Variants in COP1 observed in about 807,000 individuals in gnomAD.
COP1 encodes COP1 E3 ubiquitin ligase, also known as E3 ubiquitin-protein ligase COP1.
In COP1, 24 loss-of-function variants were observed where a neutral mutation model predicts 101.3. The ratio of observed to expected loss-of-function variants is 0.24; its 90% CI spans 0.17 to 0.33. The LOEUF (loss-of-function observed/expected upper bound fraction) is 0.33. Among genes scored for constraint, COP1 ranks in the 10% least tolerant of loss-of-function variants. COP1 has a pLI of 1.00. For missense variants in COP1, 663 were observed against 906.2 expected (o/e 0.73, Z 3.45); for synonymous variants, 347 against 341.9 (o/e 1.01, Z -0.17).
Position 176,173,986 on chromosome 1 carries a change from C to CAAAAAAAAAAAAAAAA in COP1, c.565+1908_565+1923dup, listed in dbSNP as rs1212803591. ...TGGGCAACAGAGTGAGATGCTGTCT[C>CAAAAAAAAAAAAAAAA]AAAAAAAAAAAAAAAAAAAAAAGAG... On this transcript the variant is annotated intron_variant, in intron 3 of 19. Transcript: ENST00000367669. 5.1e-4 allele frequency among the ~76,000 whole-genome samples: 25 copies of CAAAAAAAAAAAAAAAA among 49,082 alleles called. 1 individual carries two copies. Among genetic ancestry groups the CAAAAAAAAAAAAAAAA allele is most frequent in the South Asian group, 8.6e-4 (1 of 1,168 alleles). The allele number at this position is 49,082 out of a possible 152,430, so 32.2% of individuals were successfully genotyped here. A position where few individuals can be genotyped will look rare whatever the true frequency, so the allele number is the denominator to read the frequency against.
chr1:176,127,249 T>A (rs957882948), intron 8 of COP1, among the ~76,000 whole-genome samples: 2 of 152,096 alleles, frequency 1.3e-5, no homozygotes, highest in African/African-American at 4.8e-5. Flanking sequence ...AACATACAAT[T>A]TATTATTATT....
At chr1:176,126,406 T>C (rs1489920456) in intron 8 of COP1, among the ~76,000 whole-genome samples, 1 of 152,226 alleles carries the variant, frequency 6.6e-6, no homozygotes, top group Admixed American at 6.5e-5. Flanking sequence ...AACCAGTTCA[T>C]TGAAGGTTTT....
chr1:176,197,685 A>T (rs142876048), intron 1 of COP1, among the ~76,000 whole-genome samples: 14 of 152,292 alleles, frequency 9.2e-5, no homozygotes, highest in African/African-American at 3.1e-4. Context: ...AAATCCATTA[A>T]CGTACGTTCT....
intron 15 of COP1, among the ~76,000 whole-genome samples, chr1:175,991,480 A>C (rs61820953): frequency 4.6e-5 from 7 of 152,128 alleles, no homozygotes; most frequent in Admixed American, 1.3e-4. Context: ...GTAAATGAAC[A>C]TGAAGGCCTA....
intron 12 of COP1, among the ~76,000 whole-genome samples, chr1:176,044,134 T>C (rs1345904491): frequency 2.6e-5 from 4 of 152,302 alleles, no homozygotes; most frequent in South Asian, 2.1e-4. Flanking sequence ...GGTGATACTA[T>C]CCAGAGGGCT....
chr1:176,122,915 C>T (rs187508476), intron 8 of COP1, among the ~76,000 whole-genome samples: 213 of 152,224 alleles, frequency 1.4e-3, no homozygotes, highest in African/African-American at 4.9e-3. Context: ...AAGTAAACTA[C>T]TTCGGTTGGT....
At chr1:175,972,502 G>T (rs964696163) in intron 18 of COP1, among the ~76,000 whole-genome samples, 2 of 143,736 alleles carry the variant, frequency 1.4e-5, no homozygotes, top group Admixed American at 7.1e-5. Context: ...GTCTGGCTGT[G>T]TTGCCAGAAT....
At chr1:176,199,089 G>A (rs575110898) in intron 1 of COP1, among the ~76,000 whole-genome samples, 12 of 152,262 alleles carry the variant, frequency 7.9e-5, no homozygotes, top group East Asian at 1.9e-4. Flanking sequence ...AGGCCGAGGC[G>A]TGGGGACCAT....
intron 5 of COP1, among the ~76,000 whole-genome samples, chr1:176,151,310 AGAAAGAAAGAAG>A (rs1329979849): frequency 3.9e-4 from 56 of 142,744 alleles, no homozygotes; most frequent in Admixed American, 2.1e-4. Context: ...AAGAAAGGAG[AGAAAGAAAGAAG>A]GAAAGAAAGA....
At chr1:176,072,159 T>A (rs1677117347) in intron 11 of COP1, among the ~76,000 whole-genome samples, 1 of 152,244 alleles carries the variant, frequency 6.6e-6, no homozygotes, top group Non-Finnish European at 1.5e-5. Context: ...TTTATATTTC[T>A]GTCACATGTC....
At chr1:176,090,857 T>C (rs1425350133) in intron 9 of COP1, among the ~76,000 whole-genome samples, 1 of 152,156 alleles carries the variant, frequency 6.6e-6, no homozygotes, top group Non-Finnish European at 1.5e-5. Context: ...CTGAGGTTTT[T>C]CCAGAACTGA....
intron 9 of COP1, among the ~76,000 whole-genome samples, chr1:176,096,508 G>A (rs1234921238): frequency 6.6e-6 from 1 of 152,200 alleles, no homozygotes; most frequent in South Asian, 2.1e-4. Context: ...CGGCCTCAGG[G>A]GCCTGGGCCC....
intron 1 of COP1, 21 bp downstream of exon 1, chr1:176,206,550 AG>A (rs1700875302): frequency 6.3e-7 from 1 of 1,597,478 alleles, no homozygotes; most frequent in Admixed American, 1.7e-5. Context: ...AGGGACAAGG[AG>A]GGAGTGCTCT....
At chr1:176,129,166 T>C (rs1451410531) in intron 8 of COP1, among the ~76,000 whole-genome samples, 3 of 151,922 alleles carry the variant, frequency 2.0e-5, no homozygotes, top group African/African-American at 7.2e-5. Context: ...ATCACTATCC[T>C]ACATATATAT....
chr1:175,983,289 T>C (rs554036595), intron 18 of COP1, among the ~76,000 whole-genome samples: 2 of 152,278 alleles, frequency 1.3e-5, no homozygotes, highest in African/African-American at 4.8e-5. Flanking sequence ...GGGAGGTAAA[T>C]GACTCATGGG....
intron 8 of COP1, among the ~76,000 whole-genome samples, chr1:176,129,279 A>T (rs1237409186): frequency 2.0e-5 from 3 of 152,022 alleles, no homozygotes; most frequent in African/African-American, 7.2e-5. Context: ...TTACAGAAAT[A>T]CAAATAAAAG....
intron 8 of COP1, among the ~76,000 whole-genome samples, chr1:176,119,569 A>C (rs1686764262): frequency 6.6e-6 from 1 of 152,134 alleles, no homozygotes; most frequent in South Asian, 2.1e-4. Flanking sequence ...AAAAGGTATA[A>C]TGCAGGCTAC....
At chr1:176,050,837 C>A (rs368588582) in intron 11 of COP1, among the ~76,000 whole-genome samples, 1 of 152,142 alleles carries the variant, frequency 6.6e-6, no homozygotes, top group African/African-American at 2.4e-5. Context: ...AATTTGTCCA[C>A]GGATACACCA....
At chr1:176,141,642 T>G (rs992106862) in intron 6 of COP1, among the ~76,000 whole-genome samples, 7 of 151,956 alleles carry the variant, frequency 4.6e-5, no homozygotes, top group African/African-American at 1.7e-4. Flanking sequence ...ATACTATCAC[T>G]CCACAAACAC....
Sources: gnomAD v4.1 joint callset for allele counts (sites outside exome capture counted in the v4.1 genomes callset) on GRCh38, gnomAD v4.1.1 for gene constraint, MANE v1.5 for transcripts, NCBI Gene and HGNC (gene_info 2026-07-23, HGNC 2026-07-21) for gene names.